Variants in ADAM12 observed in about 807,000 individuals in gnomAD.
ADAM12 encodes the protein ADAM metallopeptidase domain 12, also known as disintegrin and metalloproteinase domain-containing protein 12.
ADAM12 carries 70 observed loss-of-function variants against 106.4 expected under a neutral mutation model. The observed-to-expected ratio is 0.66, with a 90% CI of 0.54 to 0.80. The LOEUF (loss-of-function observed/expected upper bound fraction) is 0.80. Among genes scored for constraint, ADAM12 ranks in the 30% least tolerant of loss-of-function variants. ADAM12 has a pLI of 0.00. For synonymous variants in ADAM12, 420 were observed against 433.5 expected (o/e 0.97, Z 0.39); for missense variants, 1,010 against 1,171.9 (o/e 0.86, Z 2.02).
chr10:126,351,316 C>A lies in ADAM12; in HGVS notation c.89-20807G>T, dbSNP rs530597362. Among the ~76,000 whole-genome samples the A allele has an allele frequency of 1.3e-5, 2 of 152,238 alleles. 1 individual carries two copies. The highest frequency in any genetic ancestry group is 4.1e-4 in the South Asian group (2 of 4,826). ...TGGCTTCTGGGAGCTCTGTCCTCTG[C>A]CAGCCCTATCCAAATCAAGAGGGTT... On this transcript the variant is annotated intron_variant, in intron 1 of 22. Transcript: ENST00000448723.
At chr10:126,105,668 A>G (rs1955752648) in intron 8 of ADAM12, among the ~76,000 whole-genome samples, 1 of 152,238 alleles carries the variant, frequency 6.6e-6, no homozygotes, top group South Asian at 2.1e-4. Context: ...ATATAAACAA[A>G]TAGACAAACA....
chr10:126,302,414 A>G (rs1960663892), intron 2 of ADAM12, among the ~76,000 whole-genome samples: 1 of 152,200 alleles, frequency 6.6e-6, no homozygotes, highest in South Asian at 2.1e-4. Context: ...TTAGAAAGTA[A>G]TTGGTCTTTT....
chr10:126,022,947 C>T (rs1354249968), intron 21 of ADAM12, among the ~76,000 whole-genome samples: 1 of 152,154 alleles, frequency 6.6e-6, no homozygotes, highest in African/African-American at 2.4e-5. Flanking sequence ...TTAGAGGTTT[C>T]AAAACAATTT....
chr10:126,219,497 C>G (rs1399797804), intron 3 of ADAM12, among the ~76,000 whole-genome samples: 1 of 152,094 alleles, frequency 6.6e-6, no homozygotes, highest in African/African-American at 2.4e-5. Context: ...ATAAAATGTC[C>G]ACATTTTATA....
At chr10:126,089,295 A>G (rs1274484176) in intron 11 of ADAM12, among the ~76,000 whole-genome samples, 1 of 152,186 alleles carries the variant, frequency 6.6e-6, no homozygotes, top group African/African-American at 2.4e-5. Context: ...AACCAAAAGA[A>G]ATATTTTACA....
At chr10:126,142,178 A>G (rs1956525111) in intron 4 of ADAM12, among the ~76,000 whole-genome samples, 1 of 152,188 alleles carries the variant, frequency 6.6e-6, no homozygotes, top group Non-Finnish European at 1.5e-5. Flanking sequence ...TCGGTCAGGG[A>G]GACCCTAATC....
intron 11 of ADAM12, among the ~76,000 whole-genome samples, chr10:126,083,398 G>A (rs3781017): frequency 0.098 from 14,972 of 152,274 alleles, 1,000 homozygotes; most frequent in African/African-American, 0.18. Flanking sequence ...CTGCCCCAGG[G>A]CAGGGCCTCT....
Position 126,362,590 on chromosome 10 carries a change from T to C in ADAM12, c.88+25468A>G, listed in dbSNP as rs1436683743. On this transcript the variant is annotated intron_variant, in intron 1 of 22. Coordinates refer to ENST00000448723, the MANE Select transcript of ADAM12 (RefSeq NM_001288973.2). The stretch of plus-strand genomic sequence containing the variant: ...ATGAATAAAGAAAATGTAGTATATA[T>C]ACAAATGGAATACTATTCAGTCTTT... 2.6e-5 allele frequency among the ~76,000 whole-genome samples: 4 copies of C among 152,222 alleles called. No individual in the cohort carries two copies. The South Asian group carries it at 6.2e-4, about 24-fold the overall frequency.
At position 126,044,598 on chromosome 10, in the gene ADAM12, A is replaced by G. The variant is rs1480472643; in HGVS notation, c.1996-1450T>C. ...CCCGCCATCAAAATATGGCTGCCAG[A>G]TATACAGTTTCATATTTTAAGGCAA... On this transcript the variant is annotated intron_variant, in intron 17 of 22. Transcript: ENST00000448723. Among the ~76,000 whole-genome samples, 7 of 152,332 alleles carry G rather than the reference A, an allele frequency of 4.6e-5. No homozygotes were observed. The East Asian group carries it at 7.7e-4, about 17-fold the overall frequency.
chr10:126,190,002 G>A (rs1420753253), intron 3 of ADAM12, among the ~76,000 whole-genome samples: 1 of 152,052 alleles, frequency 6.6e-6, no homozygotes, highest in East Asian at 1.9e-4. Context: ...TGAAGACCCA[G>A]CATTGTGAAT....
rs1448174565 is a variant in ADAM12, at chr10:126,135,738, T to A, written c.340-78A>T. The A allele has an allele frequency of 4.1e-6, 5 of 1,233,470 alleles. No homozygotes were observed. In the Admixed American group the frequency reaches 5.6e-5, roughly 14 times the overall value. 76.4% of individuals were successfully genotyped at this position (1,233,470 alleles called of 1,614,324 possible). ...CTTATAATAAATCAACTGCCTCTTG[T>A]TTTTAACTATAGAATTTTCCATTGC... On this transcript the variant is annotated intron_variant, in intron 4 of 22. Coordinates refer to ENST00000448723, the MANE Select transcript of ADAM12 (RefSeq NM_001288973.2).
intron 2 of ADAM12, among the ~76,000 whole-genome samples, chr10:126,303,454 G>A (rs530002634): frequency 1.3e-5 from 2 of 152,260 alleles, no homozygotes; most frequent in South Asian, 4.2e-4. Context: ...GCCTGTACAG[G>A]GATCCCAGTC....
At chr10:126,216,192 TG>T (rs1394107312) in intron 3 of ADAM12, among the ~76,000 whole-genome samples, 2 of 152,216 alleles carry the variant, frequency 1.3e-5, no homozygotes, top group African/African-American at 2.4e-5. Flanking sequence ...ATGTCTTAGT[TG>T]TTCCTGCTAA....
chr10:126,249,325 T>C (rs2133677588), intron 3 of ADAM12, among the ~76,000 whole-genome samples: 1 of 152,144 alleles, frequency 6.6e-6, no homozygotes, highest in East Asian at 1.9e-4. Flanking sequence ...GCAGTCTAGG[T>C]GGGGGTTGGT....
intron 5 of ADAM12, among the ~76,000 whole-genome samples, chr10:126,129,251 C>G (rs116761442): frequency 6.6e-6 from 1 of 152,200 alleles, no homozygotes; most frequent in Non-Finnish European, 1.5e-5. Context: ...GCTGAGAGAG[C>G]GGGGCAAGAG....
intron 4 of ADAM12, among the ~76,000 whole-genome samples, chr10:126,136,980 G>A (rs552629631): frequency 3.3e-5 from 5 of 152,014 alleles, no homozygotes; most frequent in South Asian, 2.1e-4. Context: ...TGCATTTGTC[G>A]CTCTCTTCAT....
intron 3 of ADAM12, among the ~76,000 whole-genome samples, chr10:126,249,470 C>T (rs528701793): frequency 7.9e-5 from 12 of 152,296 alleles, no homozygotes; most frequent in South Asian, 4.1e-4. Context: ...GAGGCCGAGG[C>T]GGGAGGATCA....
intron 21 of ADAM12, among the ~76,000 whole-genome samples, chr10:126,024,195 A>G (rs551111224): frequency 1.6e-4 from 24 of 152,362 alleles, no homozygotes; most frequent in South Asian, 1.2e-3. Context: ...TAATGGATAC[A>G]TATTTATACA....
intron 1 of ADAM12, among the ~76,000 whole-genome samples, chr10:126,381,936 CTG>C (rs1419306231): frequency 6.6e-6 from 1 of 150,632 alleles, no homozygotes; most frequent in Admixed American, 6.6e-5. Context: ...GATTGCACCA[CTG>C]TACATCAGCC....
Sources: allele counts gnomAD v4.1 joint callset (sites outside exome capture counted in the v4.1 genomes callset), GRCh38; gene constraint gnomAD v4.1.1; transcripts MANE v1.5; gene names NCBI Gene and HGNC (gene_info 2026-07-23, HGNC 2026-07-21).